PTCHD4: variants seen among roughly 807,000 people sequenced by gnomAD.
The protein encoded by PTCHD4 is patched domain containing 4.
Under a neutral mutation model 58.1 loss-of-function variants are expected in PTCHD4, and 33 were observed. The ratio of observed to expected loss-of-function variants is 0.57; its 90% CI spans 0.43 to 0.76. The LOEUF is 0.76. Among genes scored for constraint, PTCHD4 ranks in the 30% least tolerant of loss-of-function variants. The pLI, the probability that PTCHD4 is intolerant of heterozygous loss-of-function variation, is 0.00. For synonymous variants in PTCHD4, 478 were observed against 409.6 expected (o/e 1.17, Z -2.02); for missense variants, 1,058 against 1,027.1 (o/e 1.03, Z -0.41).
At chr6:48,086,747 T>C (rs187159033) in intron 1 of PTCHD4, among the ~76,000 whole-genome samples, 3 of 152,276 alleles carry the variant, frequency 2.0e-5, no homozygotes, top group East Asian at 1.9e-4. Flanking sequence ...CTTATAAAGT[T>C]ATAAAGTGAG....
chr6:48,104,666 A>C (rs1333861899), intron 1 of PTCHD4, among the ~76,000 whole-genome samples: 1 of 152,220 alleles, frequency 6.6e-6, no homozygotes, highest in Non-Finnish European at 1.5e-5. Context: ...CAAATTGGAT[A>C]AAGAGTCAAG....
chr6:48,064,567 AG>A (rs1277251477), intron 3 of PTCHD4, among the ~76,000 whole-genome samples: 1 of 152,182 alleles, frequency 6.6e-6, no homozygotes, highest in African/African-American at 2.4e-5. Context: ...GAAAAAAAAT[AG>A]CCCCTAAATA....
rs188527062 is a variant in PTCHD4, at chr6:47,950,593, A to T, written c.898+58041T>A. On this transcript the variant is annotated intron_variant, in intron 4 of 4. Transcript: ENST00000339488. Reference sequence around the variant, plus strand: ...AGCAGATTTTCAATGAGGTTTTAAAAAAAAGATTTTGATTTTGGGGAAGTT... The same window carrying T: ...AGCAGATTTTCAATGAGGTTTTAAATAAAAGATTTTGATTTTGGGGAAGTT... 1.0e-3 allele frequency among the ~76,000 whole-genome samples: 159 copies of T among 152,316 alleles called. 1 individual carries two copies. The highest frequency in any genetic ancestry group is 3.6e-3 in the African/African-American group (149 of 41,566).
chr6:47,881,185 T>C (rs1764012172), intron 4 of PTCHD4, among the ~76,000 whole-genome samples: 1 of 152,082 alleles, frequency 6.6e-6, no homozygotes, highest in African/African-American at 2.4e-5. Context: ...GATATTGGAG[T>C]TAGGTGTTAC....
rs983384832 is a variant in PTCHD4 at position 47,875,216 on chromosome 6, T to A, written c.*3087A>T. ...TGATTGGTCATCTGCTGACAACAGA[T>A]AAGTTCCTAATTTGAATGGCATTAG... On this transcript the variant is annotated 3_prime_UTR_variant, in exon 5 of 5. Coordinates refer to ENST00000339488, the MANE Select transcript of PTCHD4 (RefSeq NM_001384253.1). Among the ~76,000 whole-genome samples the A allele has an allele frequency of 6.6e-6, 1 of 151,864 alleles. No homozygotes were observed. Among genetic ancestry groups the A allele is most frequent in the Non-Finnish European group, 1.5e-5 (1 of 67,862 alleles).
Position 48,068,674 on chromosome 6 carries a change from G to A in PTCHD4, c.6-33C>T. 2.6e-6 allele frequency: 4 copies of A among 1,512,008 alleles called. No homozygotes were observed. The highest frequency in any genetic ancestry group is 3.5e-6 in the Non-Finnish European group (4 of 1,133,942). 93.7% of individuals were successfully genotyped at this position (1,512,008 alleles called of 1,614,324 possible). Reference sequence around the variant, plus strand: ...AGCACATGTGACATGTGTAAGCGCCGGGCTACCCCGTTCTCCCCCATCCCA... The same window carrying A: ...AGCACATGTGACATGTGTAAGCGCCAGGCTACCCCGTTCTCCCCCATCCCA... On this transcript the variant is annotated intron_variant, in intron 2 of 4. Transcript: ENST00000339488. This position sits in a 1 kb window ranked among gnomAD's most constrained non-coding sequence, Gnocchi z 4.2.
At chr6:47,958,579 C>A (rs1371234758) in intron 4 of PTCHD4, among the ~76,000 whole-genome samples, 1 of 152,060 alleles carries the variant, frequency 6.6e-6, no homozygotes. Context: ...TGAGACGGAG[C>A]TGAGGGTGTG....
rs78537950 is a variant in PTCHD4, at chr6:47,952,216, A to C, written c.898+56418T>G. On this transcript the variant is annotated intron_variant, in intron 4 of 4. Coordinates refer to ENST00000339488, the MANE Select transcript of PTCHD4 (RefSeq NM_001384253.1). ...AGCATTGATAGTCCATGTCTATTTT[A>C]ATGTAAGCTTTTACAATAGAGTTCC... Among the ~76,000 whole-genome samples the C allele has an allele frequency of 1.9e-3, 283 of 152,268 alleles. 1 individual carries two copies. Among genetic ancestry groups the C allele is most frequent in the Non-Finnish European group, 3.3e-3 (222 of 67,980 alleles).
intron 4 of PTCHD4, among the ~76,000 whole-genome samples, chr6:47,974,640 C>T (rs1767628200): frequency 6.6e-6 from 1 of 152,120 alleles, no homozygotes; most frequent in Non-Finnish European, 1.5e-5. Flanking sequence ...GCTAAATATC[C>T]CCTGGGAGGC....
chr6:47,922,771 G>GC (rs1375454796), intron 4 of PTCHD4, among the ~76,000 whole-genome samples: 1 of 152,182 alleles, frequency 6.6e-6, no homozygotes, highest in East Asian at 1.9e-4. Context: ...GGATTCCCTA[G>GC]CTCAGAGCTC....
intron 4 of PTCHD4, among the ~76,000 whole-genome samples, chr6:47,905,617 C>T (rs1373385591): frequency 6.6e-6 from 1 of 152,048 alleles, no homozygotes; most frequent in Non-Finnish European, 1.5e-5. Flanking sequence ...ACTAGTGGAG[C>T]CCAAAGGAAG....
chr6:47,977,513 T>C (rs1767737408), intron 4 of PTCHD4, among the ~76,000 whole-genome samples: 1 of 152,180 alleles, frequency 6.6e-6, no homozygotes, highest in African/African-American at 2.4e-5. Context: ...CAACAACCAC[T>C]GAGTGAGCTT....
At chr6:48,039,135 A>G (rs1000421069) in intron 3 of PTCHD4, among the ~76,000 whole-genome samples, 14 of 152,152 alleles carry the variant, frequency 9.2e-5, no homozygotes, top group Admixed American at 2.0e-4. Context: ...GGCCCCAAAG[A>G]GCAGACAATG....
intron 4 of PTCHD4, among the ~76,000 whole-genome samples, chr6:47,978,183 C>T (rs551446299): frequency 6.6e-6 from 1 of 151,996 alleles, no homozygotes; most frequent in African/African-American, 2.4e-5. Context: ...TTTAGGATTT[C>T]CTTTTGTTTG....
intron 4 of PTCHD4, among the ~76,000 whole-genome samples, chr6:47,955,104 G>A (rs1429365698): frequency 2.0e-5 from 3 of 152,082 alleles, no homozygotes; most frequent in Non-Finnish European, 4.4e-5. Context: ...CTCTATTAAG[G>A]GATACTCACA....
rs187677762 is a variant in PTCHD4 at position 47,880,414 on chromosome 6, T to G, written c.899-478A>C. ...GATTTAGGAAATTATAAAAGTATGT[T>G]AAACACTTAAAAATGGCTCTAAACT... On this transcript the variant is annotated intron_variant, in intron 4 of 4. Coordinates refer to ENST00000339488, the MANE Select transcript of PTCHD4 (RefSeq NM_001384253.1). Among the ~76,000 whole-genome samples, 3 of 152,278 alleles carry G rather than the reference T, an allele frequency of 2.0e-5. No individual in the cohort carries two copies. In the East Asian group the frequency reaches 5.8e-4, roughly 29 times the overall value.
chr6:47,980,040 C>T (rs1286431580), intron 4 of PTCHD4, among the ~76,000 whole-genome samples: 1 of 151,996 alleles, frequency 6.6e-6, no homozygotes, highest in Non-Finnish European at 1.5e-5. Context: ...CACCAATATA[C>T]CTTGACACCT....
chr6:47,952,914 T>C (rs1205683624), intron 4 of PTCHD4, among the ~76,000 whole-genome samples: 1 of 151,074 alleles, frequency 6.6e-6, no homozygotes, highest in Non-Finnish European at 1.5e-5. Flanking sequence ...CACATACACA[T>C]AGAGTAGAAA....
intron 1 of PTCHD4, among the ~76,000 whole-genome samples, chr6:48,080,178 C>T (rs571505672): frequency 3.8e-4 from 58 of 151,996 alleles, no homozygotes; most frequent in Non-Finnish European, 5.6e-4. Context: ...GTTTGACATT[C>T]AAAAATTTAG....
Sources: allele counts gnomAD v4.1 joint callset (sites outside exome capture counted in the v4.1 genomes callset), GRCh38; gene constraint gnomAD v4.1.1; non-coding constraint Gnocchi (gnomAD v3.1); transcripts MANE v1.5; gene names NCBI Gene and HGNC (gene_info 2026-07-23, HGNC 2026-07-21).